PRAG1: variants seen among roughly 807,000 people sequenced by gnomAD.
The protein encoded by PRAG1 is inactive tyrosine-protein kinase PRAG1.
A neutral mutation model predicts 95.6 loss-of-function variants in PRAG1; 110 were observed. That is an observed-to-expected ratio of 1.15 (90% CI 0.99 to 1.35). The LOEUF is 1.35. Ranked by LOEUF, PRAG1 falls within the 40% of genes most tolerant of loss-of-function variation. PRAG1 has a pLI of 0.00. For missense variants in PRAG1, 2,554 were observed against 1,864.7 expected, an observed-to-expected ratio of 1.37 and a Z score of -6.81; for synonymous variants, 1,052 against 819.4, an observed-to-expected ratio of 1.28 and a Z score of -4.85.
chr8:8,372,159 G>C (rs538660321), intron 3 of PRAG1, among the ~76,000 whole-genome samples: 1 of 152,236 alleles, frequency 6.6e-6, no homozygotes, highest in African/African-American at 2.4e-5. Flanking sequence ...AAAGCAAAAG[G>C]CAGAAAGCAA....
chr8:8,366,201 C>T (rs941123261), intron 3 of PRAG1, among the ~76,000 whole-genome samples: 2 of 152,030 alleles, frequency 1.3e-5, no homozygotes, highest in African/African-American at 4.8e-5. Context: ...AGAAACAAGA[C>T]ATTTTGGCAT....
At chr8:8,362,060 T>C (rs1799861995) in intron 3 of PRAG1, among the ~76,000 whole-genome samples, 1 of 152,226 alleles carries the variant, frequency 6.6e-6, no homozygotes, top group African/African-American at 2.4e-5. Context: ...ACTTGAGGTT[T>C]CATTTTCCCT....
chr8:8,369,232 C>T lies in PRAG1; in HGVS notation c.2162+7015G>A, dbSNP rs180809046. ...GAAAATTCAGTAATTCTCCATTGAA[C>T]ATCTACTACATATCCAACTCTGTGC... On this transcript the variant is annotated intron_variant, in intron 3 of 5. Coordinates refer to ENST00000615670, the MANE Select transcript of PRAG1 (RefSeq NM_001080826.3). Among the ~76,000 whole-genome samples the T allele has an allele frequency of 1.1e-3, 166 of 151,198 alleles. 1 individual carries two copies. In the Middle Eastern group the frequency reaches 0.024, roughly 22 times the overall value.
At chr8:8,345,802 A>T (rs1799321415) in intron 3 of PRAG1, among the ~76,000 whole-genome samples, 1 of 152,178 alleles carries the variant, frequency 6.6e-6, no homozygotes, top group East Asian at 1.9e-4. Flanking sequence ...CTCAAAAATA[A>T]AATAAAATAA....
At position 8,319,291 on chromosome 8, in the gene PRAG1, G is replaced by T; in HGVS notation, c.3084C>A (p.Ala1028=). Residue 1028 remains alanine (A), a synonymous_variant, in exon 6 of 6, where the codon GCC becomes GCA. Transcript: ENST00000615670. The part of the protein sequence containing the change: ...GSTYAVKICK[A]PEPKTVSYCS... ...AGTAGGAGACTGTTTTGGGCTCAGG[G>T]GCTTTGCAGATCTGTGGAGAGAAGA... The T allele has an allele frequency of 6.6e-7, 1 of 1,513,658 alleles. No individual in the cohort carries two copies. Among genetic ancestry groups the T allele is most frequent in the Non-Finnish European group, 8.9e-7 (1 of 1,127,604 alleles). 93.8% of individuals were successfully genotyped at this position (1,513,658 alleles called of 1,614,324 possible).
In PRAG1 at chr8:8,376,259, G is replaced by A. The variant is rs767660271; in HGVS notation, c.2150C>T (p.Pro717Leu). 1 of 1,613,432 alleles carries A rather than the reference G, an allele frequency of 6.2e-7. No individual in the cohort carries two copies. Among genetic ancestry groups the A allele is most frequent in the Non-Finnish European group, 8.5e-7 (1 of 1,179,804 alleles). The change falls in exon 3 of 6, where the codon CCT becomes CTT. Residue 717 changes from proline (P) to leucine (L), a missense_variant. By Grantham distance (98) the Pro-to-Leu change is moderately conservative. Transcript: ENST00000615670. ...CAATGGTACTCACCGCGACTTTGGAGGCGGAGGAGGAGGTGAGAATGTCTC... is the reference window on the plus strand; with the variant it reads ...CAATGGTACTCACCGCGACTTTGGAAGCGGAGGAGGAGGTGAGAATGTCTC... Reference protein sequence around the residue: ...GIETFSPPPPPPKSRHLLKMN... With the variant: ...GIETFSPPPPLPKSRHLLKMN...
chr8:8,318,620 A>C lies in PRAG1; in HGVS notation c.3755T>G (p.Phe1252Cys), dbSNP rs1253241533. Residue 1252 changes from phenylalanine (F) to cysteine (C), a missense_variant, in exon 6 of 6, where the codon TTC becomes TGC. Coordinates refer to ENST00000615670, the MANE Select transcript of PRAG1 (RefSeq NM_001080826.3). This position sits in a 1 kb window ranked among gnomAD's most constrained non-coding sequence, Gnocchi z 4.2. ...GAGGATGCCTGTCTGGAACTCATCG[A>C]ACTTGCGGTACTGGGAAGCAGACAC... ...EIVSASQYRK[F>C]DEFQTGILIY... 2 of 1,612,004 alleles carry C rather than the reference A, an allele frequency of 1.2e-6. No homozygotes were observed. The highest frequency in any genetic ancestry group is 2.7e-5 in the African/African-American group (2 of 74,334).
intron 5 of PRAG1, 119 bp from the exon 6 acceptor site, chr8:8,319,421 G>A (rs1403558772): frequency 1.4e-6 from 1 of 733,342 alleles, no homozygotes; most frequent in Admixed American, 3.5e-5. Flanking sequence ...TTAAGGGTAA[G>A]AGCAATCCAT....
intron 5 of PRAG1, among the ~76,000 whole-genome samples, chr8:8,326,279 G>T (rs1313377637): frequency 1.3e-5 from 2 of 148,676 alleles, no homozygotes; most frequent in Non-Finnish European, 3.0e-5. Context: ...CTTAAATATT[G>T]TTTAATATTA....
intron 3 of PRAG1, among the ~76,000 whole-genome samples, chr8:8,364,819 G>C (rs145566707): frequency 3.0e-4 from 46 of 152,138 alleles, no homozygotes. Context: ...TGGAATCTCA[G>C]ACCCTGAACT....
intron 4 of PRAG1, among the ~76,000 whole-genome samples, chr8:8,335,294 G>A (rs1038638128): frequency 6.6e-6 from 1 of 152,140 alleles, no homozygotes; most frequent in African/African-American, 2.4e-5. Context: ...CAGCAAGAGA[G>A]GGATTTATAA....
At chr8:8,324,270 G>C (rs182199295) in intron 5 of PRAG1, among the ~76,000 whole-genome samples, 28 of 152,312 alleles carry the variant, frequency 1.8e-4, no homozygotes, top group Admixed American at 3.9e-4. Context: ...GAAAAGCCTG[G>C]GCCCAGCAAA....
Position 8,381,756 on chromosome 8 carries a change from G to C in PRAG1, c.-9C>G. The C allele has an allele frequency of 7.7e-6, 12 of 1,565,492 alleles. No homozygotes were observed. The highest frequency in any genetic ancestry group is 1.4e-5 in the African/African-American group (1 of 73,930). On this transcript the variant is annotated 5_prime_UTR_variant, in exon 2 of 6. Transcript: ENST00000615670. Reference sequence around the variant, plus strand: ...CAGAGGGTCTGGTGCATCTTGAGCCGACAGGGTGCTGGTTCATCTTGCGCC... The same window carrying C: ...CAGAGGGTCTGGTGCATCTTGAGCCCACAGGGTGCTGGTTCATCTTGCGCC...
At chr8:8,379,037 G>C (rs546048692) in intron 2 of PRAG1, among the ~76,000 whole-genome samples, 1 of 151,794 alleles carries the variant, frequency 6.6e-6, no homozygotes, top group East Asian at 1.9e-4. Flanking sequence ...GTGAGGGGTG[G>C]CTTCTGAACC....
At chr8:8,326,612 G>C (rs1798644940) in intron 5 of PRAG1, among the ~76,000 whole-genome samples, 1 of 152,224 alleles carries the variant, frequency 6.6e-6, no homozygotes, top group East Asian at 1.9e-4. Flanking sequence ...AGCTCACACA[G>C]AGCTGCACTC....
intron 5 of PRAG1, among the ~76,000 whole-genome samples, chr8:8,321,429 T>C (rs1215752535): frequency 6.6e-6 from 1 of 152,158 alleles, no homozygotes; most frequent in Admixed American, 6.6e-5. Context: ...ACTATTAAAC[T>C]AAAGGAAATT....
At position 8,367,166 on chromosome 8, in the gene PRAG1, G is replaced by T. The variant is rs573853401; in HGVS notation, c.2162+9081C>A. On this transcript the variant is annotated intron_variant, in intron 3 of 5. Coordinates refer to ENST00000615670, the MANE Select transcript of PRAG1 (RefSeq NM_001080826.3). ...AGGATGCAACCCAAGTGTTCTCATG[G>T]TTCAACAATATGCAGTCATAAAATC... 6.6e-5 allele frequency among the ~76,000 whole-genome samples: 10 copies of T among 152,090 alleles called. No homozygotes were observed. The East Asian group carries it at 1.5e-3, about 24-fold the overall frequency.
rs1800444866 is a variant in PRAG1, at chr8:8,377,280, G to A, written c.1129C>T (p.Gln377Ter). ...SLMKEPAPEK[Q>*]QDPGCPGVTP... Reference sequence around the variant, plus strand: ...ACCCCTGGGCAGCCAGGGTCCTGCTGCTTCTCTGGGGCAGGTTCCTTCATG... The same window carrying A: ...ACCCCTGGGCAGCCAGGGTCCTGCTACTTCTCTGGGGCAGGTTCCTTCATG... Residue 377 changes from glutamine (Q) to a stop codon, truncating the protein, a stop_gained, in exon 3 of 6, where the codon CAG (glutamine) becomes TAG (stop). Transcript: ENST00000615670. LOFTEE classifies it high-confidence loss of function. The A allele has an allele frequency of 6.2e-7, 1 of 1,612,860 alleles. No individual in the cohort carries two copies. Among genetic ancestry groups the A allele is most frequent in the Non-Finnish European group, 8.5e-7 (1 of 1,179,954 alleles).
At chr8:8,383,323 C>G (rs939534028) in intron 1 of PRAG1, among the ~76,000 whole-genome samples, 6 of 152,186 alleles carry the variant, frequency 3.9e-5, no homozygotes, top group Non-Finnish European at 8.8e-5. Context: ...GTAATCCCAG[C>G]ACTTTGGGAG....
Sources: allele counts gnomAD v4.1 joint callset (sites outside exome capture counted in the v4.1 genomes callset), GRCh38; gene constraint gnomAD v4.1.1; non-coding constraint Gnocchi (gnomAD v3.1); transcripts MANE v1.5; gene names NCBI Gene and HGNC (gene_info 2026-07-23, HGNC 2026-07-21).